The following CRACR2A variants were observed in gnomAD, a reference collection of about 807,000 sequenced individuals.
The protein encoded by CRACR2A is calcium release activated channel regulator 2A.
In CRACR2A, 79 loss-of-function variants were observed where a neutral mutation model predicts 90.5. The observed-to-expected ratio is 0.87, with a 90% confidence interval of 0.73 to 1.05. The LOEUF is 1.05. Among genes scored for constraint, CRACR2A ranks in the 50% least tolerant of loss-of-function variants. CRACR2A has a pLI of 0.00. For missense variants in CRACR2A, 823 were observed against 897.2 expected (o/e 0.92, Z 1.06); for synonymous variants, 338 against 356.7 (o/e 0.95, Z 0.59).
intron 14 of CRACR2A, among the ~76,000 whole-genome samples, chr12:3,636,882 T>C (rs1944462977): frequency 1.9e-5 from 2 of 107,686 alleles, no homozygotes; most frequent in South Asian, 3.1e-4. Context: ...CACACCCTAC[T>C]GCAGCCACTG....
intron 3 of CRACR2A, among the ~76,000 whole-genome samples, chr12:3,706,948 C>T (rs564296305): frequency 6.6e-6 from 1 of 152,292 alleles, no homozygotes; most frequent in East Asian, 1.9e-4. Flanking sequence ...GCTTCCTCCA[C>T]CTCAGATTAT....
intron 17 of CRACR2A, among the ~76,000 whole-genome samples, chr12:3,623,285 T>G (rs1944183682): frequency 6.6e-6 from 1 of 152,186 alleles, no homozygotes. Flanking sequence ...TCTCCACGTT[T>G]TTTTCCAGCT....
intron 13 of CRACR2A, among the ~76,000 whole-genome samples, chr12:3,638,911 T>C (rs1283451229): frequency 6.6e-6 from 1 of 152,240 alleles, no homozygotes; most frequent in Non-Finnish European, 1.5e-5. Context: ...CAGATGACCT[T>C]GGCTCTGCCC....
intron 13 of CRACR2A, 36 bp downstream of exon 13, chr12:3,641,696 G>C: frequency 6.5e-7 from 1 of 1,536,984 alleles, no homozygotes; most frequent in Non-Finnish European, 8.8e-7. Context: ...ATGAGCCTGA[G>C]AGGAATGAAG....
chr12:3,638,354 G>A lies in CRACR2A; in HGVS notation c.1372C>T (p.Pro458Ser). ...CGGGGGTACGGACCCCCAGGCCCTG[G>A]CTCCCCGGTTCCTGGCTCCTCTTCT... is the stretch of plus-strand genomic sequence containing the variant. ...LTEEEPGTGE[P>S]GPGGPYPRPL... Residue 458 changes from proline (P) to serine (S), a missense_variant, in exon 14 of 20, where the codon CCA becomes TCA. Pro to Ser is a moderately conservative substitution (Grantham distance 74, BLOSUM62 -1). Coordinates refer to ENST00000440314, the MANE Select transcript of CRACR2A (RefSeq NM_001144958.2). 1.3e-6 allele frequency: 2 copies of A among 1,551,596 alleles called. No homozygotes were observed. Among genetic ancestry groups the A allele is most frequent in the South Asian group, 2.4e-5 (2 of 84,054 alleles).
intron 3 of CRACR2A, among the ~76,000 whole-genome samples, chr12:3,706,726 A>C (rs1481164042): frequency 6.6e-6 from 1 of 152,132 alleles, no homozygotes; most frequent in Admixed American, 6.5e-5. Flanking sequence ...TCAGTTTCCC[A>C]AGTAGCTGTG....
chr12:3,639,078 G>A (rs1944512446), intron 13 of CRACR2A, among the ~76,000 whole-genome samples: 1 of 152,174 alleles, frequency 6.6e-6, no homozygotes, highest in African/African-American at 2.4e-5. Flanking sequence ...GAGGGGTGCT[G>A]TTGCTTTGGG....
chr12:3,698,481 C>G (rs1409489945), intron 3 of CRACR2A, among the ~76,000 whole-genome samples: 3 of 152,194 alleles, frequency 2.0e-5, no homozygotes, highest in Non-Finnish European at 4.4e-5. Context: ...CCAGATTTGT[C>G]AAGAGCTGTG....
At position 3,718,639 on chromosome 12, in the gene CRACR2A, A is replaced by G. The variant is rs241985; in HGVS notation, c.-117-5322T>C. On this transcript the variant is annotated intron_variant, in intron 2 of 19. Transcript: ENST00000440314. The stretch of plus-strand genomic sequence containing the variant: ...AGAGTGACTGCATGCTGAAATGATT[A>G]TATGTTGCATGTATTAGGTTAAACA... Among the ~76,000 whole-genome samples the G allele has an allele frequency of 3.5e-3, 526 of 152,364 alleles. 2 individuals carry two copies. The highest frequency in any genetic ancestry group is 0.012 in the African/African-American group (484 of 41,586).
At chr12:3,627,316 T>C in intron 17 of CRACR2A, 120 bp downstream of exon 17, 7 of 739,712 alleles carry the variant, frequency 9.5e-6, no homozygotes, top group Non-Finnish European at 1.5e-5. Context: ...AGTTTGTTCC[T>C]GGAAAAGGCA....
Position 3,619,253 on chromosome 12 carries a change from G to A in CRACR2A, c.2034+18C>T, listed in dbSNP as rs751647450. On this transcript the variant is annotated intron_variant, in intron 18 of 19. Coordinates refer to ENST00000440314, the MANE Select transcript of CRACR2A (RefSeq NM_001144958.2). ...GGGTCACACTCTGTCCAGAGAGATG[G>A]AAATGCTTGCTCTTTACCGTGGCAA... 6.5e-6 allele frequency: 10 copies of A among 1,546,190 alleles called. No homozygotes were observed. The South Asian group carries it at 1.1e-4, about 17-fold the overall frequency.
intron 9 of CRACR2A, 82 bp from the exon 10 acceptor site, chr12:3,654,481 T>G: frequency 7.1e-7 from 1 of 1,410,756 alleles, no homozygotes; most frequent in Non-Finnish European, 9.5e-7. Context: ...CCTTGTTTTC[T>G]CTGCTTGGCA....
intron 7 of CRACR2A, among the ~76,000 whole-genome samples, chr12:3,670,853 C>T (rs956047385): frequency 4.6e-5 from 7 of 152,078 alleles, no homozygotes; most frequent in African/African-American, 1.7e-4. Flanking sequence ...ATGGGACTGG[C>T]CAAAGAGTTC....
At chr12:3,722,239 A>G (rs377330202) in intron 2 of CRACR2A, among the ~76,000 whole-genome samples, 8 of 152,332 alleles carry the variant, frequency 5.3e-5, no homozygotes, top group African/African-American at 1.9e-4. Context: ...TGCAGGTTAT[A>G]AGGAGTCATC....
intron 15 of CRACR2A, 26 bp from the exon 16 acceptor site, chr12:3,627,732 G>C (rs1381092354): frequency 1.3e-6 from 2 of 1,548,940 alleles, no homozygotes; most frequent in African/African-American, 1.4e-5. Context: ...GGCCTGTCAG[G>C]GCTGCCCTGG....
chr12:3,653,879 G>A (rs576681859), intron 10 of CRACR2A, among the ~76,000 whole-genome samples: 1 of 146,912 alleles, frequency 6.8e-6, no homozygotes, highest in South Asian at 2.1e-4. Flanking sequence ...GTTCTGGTAA[G>A]TACTTGTTTT....
At chr12:3,677,231 A>G (rs1244850116) in intron 6 of CRACR2A, among the ~76,000 whole-genome samples, 1 of 152,218 alleles carries the variant, frequency 6.6e-6, no homozygotes, top group African/African-American at 2.4e-5. Flanking sequence ...ATCTTTAAAG[A>G]GCCCTCAAAT....
At chr12:3,679,224 C>T in intron 5 of CRACR2A, 126 bp from the exon 6 acceptor site, 1 of 957,842 alleles carries the variant, frequency 1.0e-6, no homozygotes, top group South Asian at 1.9e-5. Flanking sequence ...AAAGCCCCTC[C>T]AGCAAAGATC....
At chr12:3,626,624 T>C (rs1341551348) in intron 17 of CRACR2A, among the ~76,000 whole-genome samples, 1 of 152,148 alleles carries the variant, frequency 6.6e-6, no homozygotes, top group Non-Finnish European at 1.5e-5. Context: ...GAACAAACCA[T>C]GAATCCTGCT....
Sources: allele counts gnomAD v4.1 joint callset (sites outside exome capture counted in the v4.1 genomes callset), GRCh38; gene constraint gnomAD v4.1.1; transcripts MANE v1.5; gene names NCBI Gene and HGNC (gene_info 2026-07-23, HGNC 2026-07-21).